LHFPL3: variants seen among roughly 807,000 people sequenced by gnomAD.
LHFPL3 encodes LHFPL tetraspan subfamily member 3 protein.
Under a neutral mutation model 19.3 loss-of-function variants are expected in LHFPL3, and 5 were observed. The ratio of observed to expected loss-of-function variants is 0.26; its 90% CI spans 0.14 to 0.54. The LOEUF is 0.54. Ranked by LOEUF, LHFPL3 falls within the 20% of genes least tolerant of loss-of-function variation. The probability of loss-of-function intolerance (pLI) is 0.94; values close to 1 mark genes in which losing one functional copy is unlikely to be tolerated. For missense variants in LHFPL3, 249 were observed against 307.4 expected (o/e 0.81, Z 1.42); for synonymous variants, 133 against 126.2 (o/e 1.05, Z -0.36).
rs138664478 is a variant in LHFPL3 at position 104,738,245 on chromosome 7, G to A, written c.682+1334G>A. On this transcript the variant is annotated intron_variant, in intron 2 of 2. Coordinates refer to ENST00000424859, the MANE Select transcript of LHFPL3 (RefSeq NM_199000.3). ...CCTTTCTAGATAAAAAGGATGATATGAAGATAATTACACTTTTATTTACAT... is the reference window on the plus strand; with the variant it reads ...CCTTTCTAGATAAAAAGGATGATATAAAGATAATTACACTTTTATTTACAT... Among the ~76,000 whole-genome samples, 95 of 152,266 alleles carry A rather than the reference G, an allele frequency of 6.2e-4. 2 individuals are homozygous for A. The East Asian group carries it at 0.017, about 27-fold the overall frequency.
chr7:104,509,405 C>T (rs943977462), intron 1 of LHFPL3, among the ~76,000 whole-genome samples: 3 of 151,980 alleles, frequency 2.0e-5, no homozygotes, highest in African/African-American at 7.2e-5. Context: ...GGACTTATTC[C>T]AAGGATGCAA....
At chr7:104,717,967 G>C (rs557400709) in intron 1 of LHFPL3, among the ~76,000 whole-genome samples, 1 of 152,266 alleles carries the variant, frequency 6.6e-6, no homozygotes, top group South Asian at 2.1e-4. Context: ...AATGAAATAT[G>C]ATTCTGCCTT....
intron 1 of LHFPL3, among the ~76,000 whole-genome samples, chr7:104,526,459 A>G (rs1468940007): frequency 6.6e-6 from 1 of 152,250 alleles, no homozygotes; most frequent in East Asian, 1.9e-4. Context: ...CTGTAGTTAC[A>G]AATGGCAAAT....
intron 1 of LHFPL3, among the ~76,000 whole-genome samples, chr7:104,403,725 T>TTCTCTCTCTCTCTCTCTCTCTC (rs71786184): frequency 1.6e-4 from 23 of 143,702 alleles, no homozygotes; most frequent in African/African-American, 6.0e-4. Flanking sequence ...TTAGTGAACA[T>TTCTCTCTCTCTCTCTCTCTCTC]TCTCTCTCTC....
At chr7:104,775,772 A>G (rs1179734313) in intron 2 of LHFPL3, among the ~76,000 whole-genome samples, 1 of 152,090 alleles carries the variant, frequency 6.6e-6, no homozygotes, top group Non-Finnish European at 1.5e-5. Flanking sequence ...TACACCCAAC[A>G]ACTAACAATC....
chr7:104,561,506 C>T (rs1197904862), intron 1 of LHFPL3, among the ~76,000 whole-genome samples: 7 of 150,342 alleles, frequency 4.7e-5, no homozygotes, highest in Non-Finnish European at 1.0e-4. Context: ...GATTGCAACC[C>T]CTGCCTTTTT....
intron 2 of LHFPL3, among the ~76,000 whole-genome samples, chr7:104,830,509 A>G (rs1200044814): frequency 1.3e-5 from 2 of 151,796 alleles, no homozygotes; most frequent in Admixed American, 6.6e-5. Context: ...TAATTTTTGT[A>G]TAAGGTGTAA....
intron 2 of LHFPL3, among the ~76,000 whole-genome samples, chr7:104,900,784 C>A (rs954330047): frequency 1.3e-5 from 2 of 152,180 alleles, no homozygotes; most frequent in African/African-American, 4.8e-5. Flanking sequence ...ATTCAAATGA[C>A]AGCTTTGAAA....
At chr7:104,583,187 C>G (rs1790496083) in intron 1 of LHFPL3, among the ~76,000 whole-genome samples, 1 of 152,002 alleles carries the variant, frequency 6.6e-6, no homozygotes. Context: ...CTTTGACAAA[C>G]CTGACAAAAA....
At position 104,743,909 on chromosome 7, in the gene LHFPL3, G is replaced by A. The variant is rs191079928; in HGVS notation, c.682+6998G>A. The stretch of plus-strand genomic sequence containing the variant: ...GGCTGGAATACAGTGGCATGATCAC[G>A]GCTCACTGCAGCCTCGACCTCCTGG... On this transcript the variant is annotated intron_variant, in intron 2 of 2. Transcript: ENST00000424859. 2.2e-3 allele frequency: 332 copies of A among 152,082 alleles called. 2 individuals are homozygous for A. Among genetic ancestry groups the A allele is most frequent in the Non-Finnish European group, 3.2e-3 (215 of 68,008 alleles). 9.4% of individuals were successfully genotyped at this position (152,082 alleles called of 1,614,324 possible). A position where few individuals can be genotyped will look rare whatever the true frequency, so the allele number is the denominator to read the frequency against.
At chr7:104,551,196 A>T (rs972147018) in intron 1 of LHFPL3, among the ~76,000 whole-genome samples, 5 of 152,188 alleles carry the variant, frequency 3.3e-5, no homozygotes, top group African/African-American at 1.2e-4. Context: ...TCAGGGGAAG[A>T]TATTTTATCA....
At position 104,521,337 on chromosome 7, in the gene LHFPL3, T is replaced by C. The variant is rs553877244; in HGVS notation, c.445+192113T>C. ...ATAGTTTGTTATAATTTCTGTTCTT[T>C]TACATTTGCTGAGGAGTGCTTTACT... is the stretch of plus-strand genomic sequence containing the variant. On this transcript the variant is annotated intron_variant, in intron 1 of 2. Coordinates refer to ENST00000424859, the MANE Select transcript of LHFPL3 (RefSeq NM_199000.3). 3.3e-4 allele frequency among the ~76,000 whole-genome samples: 51 copies of C among 152,322 alleles called. No individual in the cohort carries two copies. In the East Asian group the frequency reaches 9.8e-3, roughly 29 times the overall value.
chr7:104,680,204 G>T (rs1188552844), intron 1 of LHFPL3, among the ~76,000 whole-genome samples: 1 of 152,206 alleles, frequency 6.6e-6, no homozygotes, highest in African/African-American at 2.4e-5. Flanking sequence ...TGTCCATGTG[G>T]TGATGTGGCC....
intron 1 of LHFPL3, among the ~76,000 whole-genome samples, chr7:104,438,014 G>A (rs1047329339): frequency 6.6e-6 from 1 of 152,098 alleles, no homozygotes; most frequent in Non-Finnish European, 1.5e-5. Flanking sequence ...GAGTCATCTC[G>A]TTAGAGCTAA....
chr7:104,423,010 G>A (rs1392652719), intron 1 of LHFPL3, among the ~76,000 whole-genome samples: 1 of 152,182 alleles, frequency 6.6e-6, no homozygotes, highest in Non-Finnish European at 1.5e-5. Context: ...GGGACGCAAT[G>A]GTGAACAAAA....
Position 104,368,546 on chromosome 7 carries a change from T to C in LHFPL3, c.445+39322T>C, listed in dbSNP as rs567812917. Among the ~76,000 whole-genome samples the C allele has an allele frequency of 5.9e-5, 9 of 152,318 alleles. No homozygotes were observed. In the South Asian group the frequency reaches 1.9e-3, roughly 32 times the overall value. ...TGTTCACCAGTACTTCTTGGCTCTT[T>C]TATTTCTTTGTTCCTGCCTCTACCT... On this transcript the variant is annotated intron_variant, in intron 1 of 2. Transcript: ENST00000424859.
intron 1 of LHFPL3, among the ~76,000 whole-genome samples, chr7:104,363,452 T>C (rs1292432868): frequency 6.6e-6 from 1 of 152,252 alleles, no homozygotes; most frequent in East Asian, 1.9e-4. Context: ...ATCTCAGTAG[T>C]TGAACCACTC....
chr7:104,653,362 G>A (rs1215106264), intron 1 of LHFPL3, among the ~76,000 whole-genome samples: 1 of 152,190 alleles, frequency 6.6e-6, no homozygotes, highest in Non-Finnish European at 1.5e-5. Context: ...ACCCAAAATT[G>A]AGGTTGGAGT....
At chr7:104,389,711 A>G (rs1028982080) in intron 1 of LHFPL3, among the ~76,000 whole-genome samples, 4 of 152,188 alleles carry the variant, frequency 2.6e-5, no homozygotes, top group Admixed American at 1.3e-4. Flanking sequence ...ATATGTACAC[A>G]TCTATAGTTA....
Sources: gnomAD v4.1 joint callset for allele counts (sites outside exome capture counted in the v4.1 genomes callset) on GRCh38, gnomAD v4.1.1 for gene constraint, MANE v1.5 for transcripts, NCBI Gene and HGNC (gene_info 2026-07-23, HGNC 2026-07-21) for gene names.